Variants in ZNF480 observed in about 807,000 individuals in gnomAD.
The protein encoded by ZNF480 is zinc finger protein 480.
In ZNF480, 15 loss-of-function variants were observed where a neutral mutation model predicts 14.4. That is an observed-to-expected ratio of 1.04 (90% CI 0.70 to 1.60). ZNF480 has a LOEUF of 1.60. Among genes scored for constraint, ZNF480 ranks in the 40% most tolerant of loss-of-function variants. The pLI is 0.00. For missense variants in ZNF480, 593 were observed against 629.7 expected (o/e 0.94, Z 0.62); for synonymous variants, 218 against 215.5 (o/e 1.01, Z -0.10).
In ZNF480 at chr19:52,304,705, G is replaced by A. The variant is rs138129186; in HGVS notation, c.72+4221G>A. 5.8e-3 allele frequency among the ~76,000 whole-genome samples: 883 copies of A among 151,874 alleles called. 12 individuals are homozygous for A. The highest frequency in any genetic ancestry group is 0.027 in the East Asian group (142 of 5,164). On this transcript the variant is annotated intron_variant, in intron 2 of 4. Coordinates refer to ENST00000595962, the MANE Select transcript of ZNF480 (RefSeq NM_144684.4). ...AGGCACATACCCCATCTCTTGCATC[G>A]TATGCTGACTTTGAGGGCTATATAA...
chr19:52,319,876 G>A (rs1294851940), intron 4 of ZNF480, among the ~76,000 whole-genome samples: 4 of 138,690 alleles, frequency 2.9e-5, no homozygotes, highest in African/African-American at 1.1e-4. Context: ...GGAGTGTAAT[G>A]GCTCCATCTT....
chr19:52,301,818 G>C (rs535288110), intron 2 of ZNF480: 1 of 152,258 alleles, frequency 6.6e-6, no homozygotes, highest in South Asian at 2.1e-4. Context: ...AGAAGGAGAG[G>C]CTTCCCAAGG....
intron 3 of ZNF480, 109 bp downstream of exon 3, chr19:52,314,388 A>T: frequency 9.3e-7 from 1 of 1,074,670 alleles, no homozygotes. Context: ...ATTAAGCAGG[A>T]GAATCACTTG....
chr19:52,300,214 G>A (rs373038104), intron 1 of ZNF480, among the ~76,000 whole-genome samples, 180 bp from the exon 2 acceptor site: 75 of 152,306 alleles, frequency 4.9e-4, no homozygotes, highest in African/African-American at 1.7e-3. Flanking sequence ...TTCTGAAGAC[G>A]AGTAAAAAAC....
intron 4 of ZNF480, among the ~76,000 whole-genome samples, chr19:52,320,813 C>CA (rs1344077535): frequency 2.0e-5 from 3 of 151,760 alleles, no homozygotes; most frequent in African/African-American, 7.3e-5. Context: ...AAAGAAATAA[C>CA]AAAAAACCCC....
At chr19:52,298,932 C>T (rs546725999) in intron 1 of ZNF480, among the ~76,000 whole-genome samples, 33 of 152,134 alleles carry the variant, frequency 2.2e-4, no homozygotes, top group African/African-American at 6.7e-4. Flanking sequence ...TGCAGATGAA[C>T]GGTGAGTTGA....
chr19:52,317,562 G>A (rs923696199), intron 4 of ZNF480: 5 of 152,134 alleles, frequency 3.3e-5, no homozygotes, highest in African/African-American at 9.7e-5. Flanking sequence ...GTAGAGACAG[G>A]GTTTCACCAT....
At chr19:52,305,987 A>C (rs8109096) in intron 2 of ZNF480, among the ~76,000 whole-genome samples, 86,920 of 151,924 alleles carry the variant, frequency 0.57, 25,320 homozygotes, top group Non-Finnish European at 0.63. Context: ...TTCTTTTTCA[A>C]TATGATCATG....
chr19:52,300,717 C>A, intron 2 of ZNF480: 2 of 662,112 alleles, frequency 3.0e-6, no homozygotes, highest in Non-Finnish European at 5.0e-6. Context: ...GATCAGGGGC[C>A]AACAGCCTTC....
At chr19:52,316,881 T>G (rs1241687336) in intron 4 of ZNF480, among the ~76,000 whole-genome samples, 1 of 152,232 alleles carries the variant, frequency 6.6e-6, no homozygotes. Flanking sequence ...AAGAAATTTG[T>G]ATATTCTTTT....
intron 4 of ZNF480, among the ~76,000 whole-genome samples, chr19:52,319,018 C>A (rs1016028418): frequency 6.6e-6 from 1 of 152,032 alleles, no homozygotes; most frequent in Non-Finnish European, 1.5e-5. Context: ...CATGTGCCAC[C>A]ATGCCTGGCT....
Position 52,315,950 on chromosome 19 carries a change from G to A in ZNF480, c.316G>A (p.Gly106Ser). The change falls in exon 4 of 5, where the codon GGT becomes AGT. Residue 106 changes from glycine (G) to serine (S), a missense_variant. Coordinates refer to ENST00000595962, the MANE Select transcript of ZNF480 (RefSeq NM_144684.4). ...TTCAGATGGGAGGGAGTGCATCAAA[G>A]GTGTGAACACAGGTAAGAGCTCAGA... The part of the protein sequence containing the change: ...KNSDGRECIK[G>S]VNTGSSYALG... The A allele has an allele frequency of 6.2e-7, 1 of 1,610,180 alleles. No individual in the cohort carries two copies. The highest frequency in any genetic ancestry group is 8.5e-7 in the Non-Finnish European group (1 of 1,177,408).
At chr19:52,299,902 C>T (rs1333952138) in intron 1 of ZNF480, among the ~76,000 whole-genome samples, 2 of 152,174 alleles carry the variant, frequency 1.3e-5, no homozygotes, top group Non-Finnish European at 2.9e-5. Context: ...CAATGTTGGC[C>T]AGGGTGGAAT....
At chr19:52,313,541 GA>G (rs1983396455) in intron 2 of ZNF480, among the ~76,000 whole-genome samples, 1 of 152,044 alleles carries the variant, frequency 6.6e-6, no homozygotes, top group African/African-American at 2.4e-5. Context: ...AGATCAGGTA[GA>G]TACTGAATAT....
chr19:52,322,055 A>C lies in ZNF480; in HGVS notation c.805A>C (p.Ser269Arg). ...ATGTAATGTCTGTGGCAAGGTTTTT[A>C]GTTACAATTCAAACTTTGCACGACA... Reference protein sequence around the residue: ...YKCNVCGKVFSYNSNFARHQR... With the variant: ...YKCNVCGKVFRYNSNFARHQR... Residue 269 changes from serine to arginine, a missense_variant, in exon 5 of 5, where the codon AGT becomes CGT. Ser to Arg is a moderately radical substitution (Grantham distance 110). Coordinates refer to ENST00000595962, the MANE Select transcript of ZNF480 (RefSeq NM_144684.4). 4 of 1,614,076 alleles carry C rather than the reference A, an allele frequency of 2.5e-6. No individual in the cohort carries two copies. Among genetic ancestry groups the C allele is most frequent in the Non-Finnish European group, 2.5e-6 (3 of 1,179,988 alleles).
chr19:52,324,060 C>T lies in ZNF480; in HGVS notation c.*1202C>T, dbSNP rs1268759373. On this transcript the variant is annotated 3_prime_UTR_variant, in exon 5 of 5. Transcript: ENST00000595962. The stretch of plus-strand genomic sequence containing the variant: ...TATTTAGAAAACCTGTTGTCTCTGC[C>T]CAAAGGCTCCTAGATCTGATAAACA... 4 of 151,920 alleles carry T rather than the reference C, an allele frequency of 2.6e-5. No individual in the cohort carries two copies. The highest frequency in any genetic ancestry group is 2.9e-5 in the Non-Finnish European group (2 of 67,920). The allele number at this position is 151,920 out of a possible 1,614,324, so 9.4% of individuals were successfully genotyped here.
Position 52,298,073 on chromosome 19 carries a change from T to C in ZNF480, c.-20+850T>C, listed in dbSNP as rs1982496490. 2.0e-5 allele frequency among the ~76,000 whole-genome samples: 3 copies of C among 148,724 alleles called. No homozygotes were observed. In the Admixed American group the frequency reaches 2.0e-4, roughly 10 times the overall value. On this transcript the variant is annotated intron_variant, in intron 1 of 4. Transcript: ENST00000595962. ...GAGAAAAGTTCCATCTCCGGAGAGA[T>C]GAAGGACAGCAAGATAGTGAGAGGG...
intron 4 of ZNF480, among the ~76,000 whole-genome samples, chr19:52,316,796 A>C (rs1305017285): frequency 6.6e-6 from 1 of 152,128 alleles, no homozygotes; most frequent in Non-Finnish European, 1.5e-5. Context: ...GGAATCACAC[A>C]GTATTTGTCT....
chr19:52,305,999 T>G (rs1982910910), intron 2 of ZNF480, among the ~76,000 whole-genome samples: 1 of 152,202 alleles, frequency 6.6e-6, no homozygotes, highest in African/African-American at 2.4e-5. Context: ...ATGATCATGC[T>G]TCCCCCAGTT....
Sources: gnomAD v4.1 joint callset for allele counts (sites outside exome capture counted in the v4.1 genomes callset) on GRCh38, gnomAD v4.1.1 for gene constraint, MANE v1.5 for transcripts, NCBI Gene and HGNC (gene_info 2026-07-23, HGNC 2026-07-21) for gene names.